The following STK3 variants were observed in gnomAD, a reference collection of about 807,000 sequenced individuals.
The protein encoded by STK3 is serine/threonine-protein kinase 3.
STK3 carries 41 observed loss-of-function variants against 58.0 expected under a neutral mutation model. The ratio of observed to expected loss-of-function variants is 0.71; its 90% CI spans 0.55 to 0.92. STK3 has a LOEUF of 0.92. Ranked by LOEUF, STK3 falls within the 40% of genes least tolerant of loss-of-function variation. The pLI is 0.00. For synonymous variants in STK3, 170 were observed against 191.0 expected, an observed-to-expected ratio of 0.89 and a Z score of 0.91; for missense variants, 479 against 602.7, an observed-to-expected ratio of 0.79 and a Z score of 2.15.
chr8:98,858,997 A>G (rs1836822631), intron 3 of STK3, among the ~76,000 whole-genome samples: 1 of 152,202 alleles, frequency 6.6e-6, no homozygotes, highest in Non-Finnish European at 1.5e-5. Flanking sequence ...AAGAAAAGCC[A>G]ACTCAGTGTC....
chr8:98,536,590 T>C (rs749886303), intron 9 of STK3, among the ~76,000 whole-genome samples: 55 of 152,184 alleles, frequency 3.6e-4, no homozygotes, highest in Non-Finnish European at 6.9e-4. Flanking sequence ...ACATTTACTC[T>C]GCAGGCAGGA....
chr8:98,600,827 C>T (rs111714044), intron 6 of STK3, among the ~76,000 whole-genome samples: 12 of 151,856 alleles, frequency 7.9e-5, no homozygotes, highest in African/African-American at 2.9e-4. Context: ...AATTACAAAA[C>T]CACAAAGAAA....
intron 4 of STK3, among the ~76,000 whole-genome samples, chr8:98,720,782 G>A (rs1827353542): frequency 6.6e-6 from 1 of 151,452 alleles, no homozygotes; most frequent in African/African-American, 2.4e-5. Context: ...AAAACTGGGG[G>A]TTTTGAGACT....
At chr8:98,548,288 TATAA>T (rs1429214249) in intron 8 of STK3, 127 bp from the exon 9 acceptor site, 2 of 618,260 alleles carry the variant, frequency 3.2e-6, no homozygotes, top group African/African-American at 1.9e-5. Flanking sequence ...CTGATTTTAA[TATAA>T]ATACATACAT....
upstream of STK3, among the ~76,000 whole-genome samples, chr8:98,830,688 C>T (rs1412728123): frequency 5.3e-5 from 8 of 152,056 alleles, no homozygotes; most frequent in Admixed American, 2.6e-4. Flanking sequence ...GTAAGGTAAT[C>T]GGCCAGGCGC....
At chr8:98,679,168 T>G (rs1480682882) in intron 6 of STK3, among the ~76,000 whole-genome samples, 1 of 152,204 alleles carries the variant, frequency 6.6e-6, no homozygotes, top group Admixed American at 6.5e-5. Context: ...CCTTACCACC[T>G]TTCTGGCTCT....
intron 1 of STK3, among the ~76,000 whole-genome samples, chr8:98,813,374 G>A (rs1482464426): frequency 6.6e-6 from 1 of 152,138 alleles, no homozygotes; most frequent in African/African-American, 2.4e-5. Flanking sequence ...TGATCTCATA[G>A]TGTATTTACT....
At chr8:98,432,691 G>C (rs1818353819) in intron 3 of STK3, 1 of 167,114 alleles carries the variant, frequency 6.0e-6, no homozygotes, top group African/African-American at 2.4e-5. Context: ...CAGGCTGTGT[G>C]TTAGCTACTT....
intron 4 of STK3, among the ~76,000 whole-genome samples, chr8:98,747,358 C>A (rs1283408107): frequency 6.6e-6 from 1 of 151,910 alleles, no homozygotes; most frequent in African/African-American, 2.4e-5. Flanking sequence ...CTCTTAAAAA[C>A]AAATTGCCAT....
At chr8:98,732,020 AAT>A (rs1231041861) in intron 4 of STK3, among the ~76,000 whole-genome samples, 2 of 152,228 alleles carry the variant, frequency 1.3e-5, no homozygotes, top group Non-Finnish European at 2.9e-5. Flanking sequence ...TGTCAGCATC[AAT>A]ATGTTATGAA....
intron 4 of STK3, among the ~76,000 whole-genome samples, chr8:98,747,886 G>A (rs1320342432): frequency 6.6e-6 from 1 of 152,128 alleles, no homozygotes; most frequent in Non-Finnish European, 1.5e-5. Context: ...ATGCTCAGTG[G>A]ACTGTGTCTT....
downstream of STK3, among the ~76,000 whole-genome samples, chr8:98,450,853 A>G (rs1819166277): frequency 6.6e-6 from 1 of 152,248 alleles, no homozygotes; most frequent in South Asian, 2.1e-4. Flanking sequence ...AAGAGCCATC[A>G]GCAAGCAGGC....
chr8:98,715,631 A>C (rs980769496), intron 4 of STK3, among the ~76,000 whole-genome samples: 1 of 152,210 alleles, frequency 6.6e-6, no homozygotes, highest in Non-Finnish European at 1.5e-5. Context: ...GTCAGGAAAC[A>C]ACAAGCGCTG....
intron 1 of STK3, among the ~76,000 whole-genome samples, chr8:98,795,263 T>C (rs1268021635): frequency 6.7e-6 from 1 of 148,268 alleles, no homozygotes; most frequent in East Asian, 2.0e-4. Flanking sequence ...TAAACAGAAT[T>C]TAAAATAAAA....
chr8:98,598,540 T>C, intron 6 of STK3: 2 of 985,414 alleles, frequency 2.0e-6, no homozygotes, highest in Non-Finnish European at 1.2e-6. Flanking sequence ...AGCCTTACTG[T>C]ACTAATTTAA....
At chr8:98,426,989 C>T (rs1818243652) in intron 3 of STK3, 1 of 150,592 alleles carries the variant, frequency 6.6e-6, no homozygotes, top group African/African-American at 2.4e-5. Context: ...AGGGCGGGCG[C>T]CCCGTCACAC....
intron 10 of STK3, 59 bp downstream of exon 10, chr8:98,526,683 A>C (rs1825763505): frequency 7.2e-7 from 1 of 1,385,304 alleles, no homozygotes; most frequent in Non-Finnish European, 9.6e-7. Context: ...TATGCTTCTC[A>C]ATTTGATGAT....
chr8:98,441,503 T>C (rs1017957181), intron 1 of STK3, among the ~76,000 whole-genome samples: 6 of 152,202 alleles, frequency 3.9e-5, no homozygotes, highest in Non-Finnish European at 7.4e-5. Context: ...GACTGGCAAG[T>C]GGCAGAGCTG....
At chr8:98,576,855 C>T (rs936730180) in intron 8 of STK3, among the ~76,000 whole-genome samples, 5 of 152,066 alleles carry the variant, frequency 3.3e-5, no homozygotes, top group Admixed American at 1.3e-4. Flanking sequence ...TGCACCAGTC[C>T]CTCAGGGAAC....
Sources: allele counts gnomAD v4.1 joint callset (sites outside exome capture counted in the v4.1 genomes callset), GRCh38; gene constraint gnomAD v4.1.1; transcripts MANE v1.5; gene names NCBI Gene and HGNC (gene_info 2026-07-23, HGNC 2026-07-21).